TENM2: variants seen among roughly 807,000 people sequenced by gnomAD.
The protein encoded by TENM2 is teneurin-2.
A neutral mutation model predicts 245.2 loss-of-function variants in TENM2; 52 were observed. The ratio of observed to expected loss-of-function variants is 0.21; its 90% CI spans 0.17 to 0.27. TENM2 has a LOEUF of 0.27. Ranked by LOEUF, TENM2 falls within the 10% of genes least tolerant of loss-of-function variation. TENM2 has a pLI of 1.00. For synonymous variants in TENM2, 1,363 were observed against 1,438.9 expected (o/e 0.95, Z 1.19); for missense variants, 3,046 against 3,666.8 (o/e 0.83, Z 4.37).
intron 4 of TENM2, chr5:167,965,575 C>T (rs1781330100): frequency 7.3e-6 from 1 of 137,910 alleles, no homozygotes; most frequent in Non-Finnish European, 1.6e-5. Context: ...GCGTGAGATT[C>T]CATCTTAAAA....
chr5:167,513,825 A>G (rs542466193), intron 2 of TENM2, among the ~76,000 whole-genome samples: 6 of 152,242 alleles, frequency 3.9e-5, no homozygotes, highest in South Asian at 4.2e-4. Context: ...CTGACATCCT[A>G]TTGTTAGCTG....
the TENM2 span, among the ~76,000 whole-genome samples, chr5:167,161,765 A>T: frequency 1.3e-5 from 2 of 152,234 alleles, no homozygotes; most frequent in Non-Finnish European, 2.9e-5. Context: ...CAAATTTCAC[A>T]TATGGTCGAT....
chr5:168,146,326 T>C (rs1207746291), intron 12 of TENM2, among the ~76,000 whole-genome samples: 1 of 151,858 alleles, frequency 6.6e-6, no homozygotes, highest in Non-Finnish European at 1.5e-5. Context: ...GTTTCTAGGA[T>C]GGGAGATAAT....
the TENM2 span, among the ~76,000 whole-genome samples, chr5:167,137,885 T>G: frequency 6.6e-6 from 1 of 152,234 alleles, no homozygotes; most frequent in Non-Finnish European, 1.5e-5. Flanking sequence ...TTCTCACATT[T>G]CAAAATTTGA....
At chr5:167,617,245 C>T (rs1332536013) in intron 2 of TENM2, among the ~76,000 whole-genome samples, 1 of 152,076 alleles carries the variant, frequency 6.6e-6, no homozygotes. Context: ...TCTGAACACA[C>T]ACATGCATAC....
intron 1 of TENM2, among the ~76,000 whole-genome samples, chr5:167,342,417 C>A (rs188159408): frequency 2.0e-5 from 3 of 148,738 alleles, no homozygotes; most frequent in Admixed American, 6.7e-5. Flanking sequence ...ATCAAGGGTA[C>A]ATTCTGTCTA....
Position 167,447,432 on chromosome 5 carries a change from G to T in TENM2, c.502+71959G>T, listed in dbSNP as rs367725481. Among the ~76,000 whole-genome samples the T allele has an allele frequency of 4.6e-5, 7 of 152,270 alleles. No homozygotes were observed. In the East Asian group the frequency reaches 7.7e-4, roughly 17 times the overall value. On this transcript the variant is annotated intron_variant, in intron 2 of 28. Transcript: ENST00000518659. ...TTAAAATAGTTTGGACCTGGGTTTT[G>T]TTCGTTTGTTTCTCTTTGCTTGTTT...
At chr5:168,240,489 T>G (rs554921233) in intron 25 of TENM2, among the ~76,000 whole-genome samples, 1 of 152,330 alleles carries the variant, frequency 6.6e-6, no homozygotes, top group South Asian at 2.1e-4. Context: ...CTATATCTTG[T>G]GTGCAAAATG....
At chr5:167,329,590 T>C (rs1757313123) in intron 1 of TENM2, among the ~76,000 whole-genome samples, 1 of 117,832 alleles carries the variant, frequency 8.5e-6, no homozygotes, top group African/African-American at 3.1e-5. Context: ...AGAGGTGGCA[T>C]ACTCCCCTTA....
At chr5:167,458,498 A>G in intron 2 of TENM2, among the ~76,000 whole-genome samples, 1 of 139,266 alleles carries the variant, frequency 7.2e-6, no homozygotes, top group Non-Finnish European at 1.5e-5. Flanking sequence ...AAAAAACAAA[A>G]AAAAAAAAAA....
chr5:167,362,865 G>A (rs1759796909), intron 1 of TENM2, among the ~76,000 whole-genome samples: 1 of 152,034 alleles, frequency 6.6e-6, no homozygotes, highest in Non-Finnish European at 1.5e-5. Context: ...ACTATTAAGA[G>A]TACAATAATA....
At chr5:167,436,616 T>C (rs1234500716) in intron 2 of TENM2, among the ~76,000 whole-genome samples, 11 of 152,262 alleles carry the variant, frequency 7.2e-5, no homozygotes, top group East Asian at 3.9e-4. Context: ...CCAGGGCATG[T>C]CAGAGGTCTT....
At chr5:167,802,085 A>C (rs139295251) in intron 2 of TENM2, among the ~76,000 whole-genome samples, 1 of 152,132 alleles carries the variant, frequency 6.6e-6, no homozygotes, top group Non-Finnish European at 1.5e-5. Context: ...CCTGAAGTGC[A>C]AAAGGAACAA....
At chr5:167,518,823 C>T (rs1770568519) in intron 2 of TENM2, among the ~76,000 whole-genome samples, 2 of 152,090 alleles carry the variant, frequency 1.3e-5, no homozygotes, top group Admixed American at 1.3e-4. Context: ...GTGCTTGATT[C>T]AGCTGGGGCC....
chr5:168,016,142 C>T (rs928571328), intron 5 of TENM2, among the ~76,000 whole-genome samples: 1 of 152,206 alleles, frequency 6.6e-6, no homozygotes, highest in African/African-American at 2.4e-5. Flanking sequence ...TGCATCAACA[C>T]ATTTAACCCT....
chr5:167,166,740 T>C, the TENM2 span, among the ~76,000 whole-genome samples: 1 of 152,128 alleles, frequency 6.6e-6, no homozygotes, highest in African/African-American at 2.4e-5. Context: ...TTTGTTAACT[T>C]TGTTTTTACT....
chr5:167,238,315 A>C, the TENM2 span, among the ~76,000 whole-genome samples: 1 of 152,178 alleles, frequency 6.6e-6, no homozygotes, highest in African/African-American at 2.4e-5. Flanking sequence ...ACAGTAATGT[A>C]TCATACAATC....
chr5:167,281,429 A>G (rs542288803), upstream of TENM2, among the ~76,000 whole-genome samples: 2 of 152,044 alleles, frequency 1.3e-5, no homozygotes, highest in East Asian at 3.9e-4. Context: ...ATCAGTTTTT[A>G]AGTAACAGGC....
At chr5:167,287,123 G>T (rs1347932877) in intron 1 of TENM2, among the ~76,000 whole-genome samples, 1 of 152,216 alleles carries the variant, frequency 6.6e-6, no homozygotes, top group African/African-American at 2.4e-5. Context: ...ATTTATGCAT[G>T]AAAATGTAGT....
Sources: gnomAD v4.1 joint callset for allele counts (sites outside exome capture counted in the v4.1 genomes callset) on GRCh38, gnomAD v4.1.1 for gene constraint, MANE v1.5 for transcripts, NCBI Gene and HGNC (gene_info 2026-07-23, HGNC 2026-07-21) for gene names.